Variants in PRKN observed in about 807,000 individuals in gnomAD.
PRKN encodes the protein parkin RBR E3 ubiquitin protein ligase, also known as E3 ubiquitin-protein ligase parkin.
PRKN carries 56 observed loss-of-function variants against 59.5 expected under a neutral mutation model. The observed-to-expected ratio is 0.94, with a 90% CI of 0.76 to 1.18. The LOEUF (loss-of-function observed/expected upper bound fraction) is 1.18, where lower values mean the gene tolerates loss of function less well. Ranked by LOEUF, PRKN falls within the 50% of genes most tolerant of loss-of-function variation. The pLI, the probability that PRKN is intolerant of heterozygous loss-of-function variation, is 0.00. For missense variants in PRKN, 657 were observed against 596.4 expected (o/e 1.10, Z -1.06); for synonymous variants, 250 against 222.1 (o/e 1.13, Z -1.12).
intron 9 of PRKN, among the ~76,000 whole-genome samples, chr6:161,427,121 CAA>C (rs1788402694): frequency 6.6e-6 from 1 of 152,020 alleles, no homozygotes; most frequent in African/African-American, 2.4e-5. Context: ...CCAGTTCAAG[CAA>C]TCCTCCCACC....
chr6:162,727,673 A>C lies in PRKN; in HGVS notation c.-5T>G, dbSNP rs1365817382. 6.3e-7 allele frequency: 1 copy of C among 1,581,270 alleles called. No homozygotes were observed. Among genetic ancestry groups the C allele is most frequent in the South Asian group, 1.2e-5 (1 of 86,678 alleles). On this transcript the variant is annotated 5_prime_UTR_variant, in exon 1 of 12. Coordinates refer to ENST00000366898, the MANE Select transcript of PRKN (RefSeq NM_004562.3). ...AGGTACCCACGTACCTATCATGGTC[A>C]CTGGGTAGGTGGCGGCTGCGGGCCA... is the stretch of plus-strand genomic sequence containing the variant.
intron 2 of PRKN, among the ~76,000 whole-genome samples, chr6:162,421,126 C>T (rs2874365): frequency 0.51 from 77,711 of 151,426 alleles, 20,243 homozygotes; most frequent in East Asian, 0.68. Flanking sequence ...AACAGAACTC[C>T]AGGTAATCAT....
rs1780176675 is a variant in PRKN at position 161,554,882 on chromosome 6, C to A, written c.934-5879G>T. ...TTTTTTTCCTTTGTAAATTAATTGC[C>A]CTCTTTTGCCTAGATGCCCAAGGAA... On this transcript the variant is annotated intron_variant, in intron 8 of 11. Coordinates refer to ENST00000366898, the MANE Select transcript of PRKN (RefSeq NM_004562.3). The surrounding 1 kb of genome is among the most constrained non-coding windows in gnomAD (Gnocchi z 4.5). Among the ~76,000 whole-genome samples, 1 of 151,506 alleles carries A rather than the reference C, an allele frequency of 6.6e-6. No homozygotes were observed. The highest frequency in any genetic ancestry group is 2.4e-5 in the African/African-American group (1 of 41,232).
intron 2 of PRKN, chr6:162,267,246 A>C (rs1780184507): frequency 6.6e-6 from 1 of 152,170 alleles, no homozygotes; most frequent in African/African-American, 2.4e-5. Context: ...TAATTGCTTA[A>C]TCTTTGACTC....
chr6:162,021,963 C>G (rs1783222764), intron 5 of PRKN, among the ~76,000 whole-genome samples: 1 of 152,046 alleles, frequency 6.6e-6, no homozygotes, highest in Admixed American at 6.6e-5. Context: ...TTTTTTGTTT[C>G]TGCATTAATT....
chr6:162,012,182 T>C (rs1460066613), intron 5 of PRKN, among the ~76,000 whole-genome samples: 1 of 152,108 alleles, frequency 6.6e-6, no homozygotes, highest in African/African-American at 2.4e-5. Flanking sequence ...ATTTGATTTC[T>C]TTGGGAATTA....
chr6:162,642,655 G>T (rs1778006793), intron 1 of PRKN, among the ~76,000 whole-genome samples: 1 of 151,594 alleles, frequency 6.6e-6, no homozygotes, highest in African/African-American at 2.4e-5. Flanking sequence ...TGCTTCATGA[G>T]AAAAATTTAA....
chr6:161,811,167 C>A (rs867722055), intron 6 of PRKN, among the ~76,000 whole-genome samples: 2 of 152,066 alleles, frequency 1.3e-5, no homozygotes, highest in Non-Finnish European at 2.9e-5. Context: ...AAATCTCAGG[C>A]CTTAAACTTC....
At chr6:162,253,400 G>A (rs1265125229) in intron 3 of PRKN, among the ~76,000 whole-genome samples, 1 of 152,046 alleles carries the variant, frequency 6.6e-6, no homozygotes, top group East Asian at 1.9e-4. Flanking sequence ...ATATTTTACT[G>A]GGACATAACA....
In PRKN at chr6:161,895,521, C is replaced by A. The variant is rs112890452; in HGVS notation, c.734+77781G>T. On this transcript the variant is annotated intron_variant, in intron 6 of 11. Coordinates refer to ENST00000366898, the MANE Select transcript of PRKN (RefSeq NM_004562.3). ...ACGCCCACCCCACCTGCCGTTATGC[C>A]CCCCAGTGAGGCTTCTGAGATTCAG... 8.2e-3 allele frequency among the ~76,000 whole-genome samples: 790 copies of A among 96,756 alleles called. 3 individuals are homozygous for A. The highest frequency in any genetic ancestry group is 0.026 in the African/African-American group (450 of 16,986). The allele number at this position is 96,756 out of a possible 152,430, so 63.5% of individuals were successfully genotyped here. A position where few individuals can be genotyped will look rare whatever the true frequency, so the allele number is the denominator to read the frequency against.
chr6:162,590,572 G>A (rs1781262487), intron 1 of PRKN, among the ~76,000 whole-genome samples: 1 of 152,076 alleles, frequency 6.6e-6, no homozygotes, highest in Non-Finnish European at 1.5e-5. Context: ...CTGTCCACCA[G>A]TCTTGAATGG....
intron 4 of PRKN, among the ~76,000 whole-genome samples, chr6:162,103,044 A>G (rs1231565544): frequency 1.4e-5 from 2 of 147,212 alleles, no homozygotes; most frequent in African/African-American, 2.5e-5. Context: ...CTCTGTCTCA[A>G]AAAAAAAAAA....
chr6:161,530,406 T>C lies in PRKN; in HGVS notation c.1083+18448A>G, dbSNP rs1779160208. 1.3e-5 allele frequency among the ~76,000 whole-genome samples: 2 copies of C among 152,310 alleles called. No homozygotes were observed. The highest frequency in any genetic ancestry group is 4.8e-5 in the African/African-American group (2 of 41,574). ...ACCCTGGTTTGAAAAATCATACTTT[T>C]AGAAGAAATTGCCCTTTCCATTTTC... On this transcript the variant is annotated intron_variant, in intron 9 of 11. Coordinates refer to ENST00000366898, the MANE Select transcript of PRKN (RefSeq NM_004562.3). The surrounding 1 kb of genome is among the most constrained non-coding windows in gnomAD (Gnocchi z 5.0).
chr6:162,419,865 T>C (rs1468859837), intron 2 of PRKN, among the ~76,000 whole-genome samples: 1 of 151,930 alleles, frequency 6.6e-6, no homozygotes, highest in Non-Finnish European at 1.5e-5. Context: ...AGGGAATATT[T>C]TGCACAACAT....
intron 9 of PRKN, among the ~76,000 whole-genome samples, chr6:161,427,120 G>GC (rs1788402550): frequency 6.6e-6 from 1 of 152,068 alleles, no homozygotes; most frequent in African/African-American, 2.4e-5. Flanking sequence ...TCCAGTTCAA[G>GC]CAATCCTCCC....
At chr6:161,449,486 C>T (rs1041976114) in intron 9 of PRKN, among the ~76,000 whole-genome samples, 1 of 152,138 alleles carries the variant, frequency 6.6e-6, no homozygotes, top group Non-Finnish European at 1.5e-5. Flanking sequence ...TACTCAGGGC[C>T]GTAATATGTG....
intron 5 of PRKN, among the ~76,000 whole-genome samples, chr6:162,043,723 C>T (rs912445282): frequency 5.9e-5 from 9 of 152,074 alleles, no homozygotes; most frequent in African/African-American, 1.4e-4. Flanking sequence ...GAAAAGGTAA[C>T]GGCAACAGAA....
At chr6:162,380,483 G>A (rs6149896) in intron 2 of PRKN, among the ~76,000 whole-genome samples, 35 of 29,770 alleles carry the variant, frequency 1.2e-3, no homozygotes, top group East Asian at 1.5e-3. Context: ...GTATATATAT[G>A]TATATATACA....
rs757383204 is a variant in PRKN at position 161,348,275 on chromosome 6, T to C, written c.*1824A>G. The C allele has an allele frequency of 4.9e-6, 1 of 203,212 alleles. No homozygotes were observed. The highest frequency in any genetic ancestry group is 1.0e-5 in the Non-Finnish European group (1 of 99,002). 12.6% of individuals were successfully genotyped at this position (203,212 alleles called of 1,614,324 possible). A position where few individuals can be genotyped will look rare whatever the true frequency, so the allele number is the denominator to read the frequency against. ...CCTTGATCAGGGTCTGGACTCAGTA[T>C]GGACACGAGCCACTGGGTGCAGGGG... is the stretch of plus-strand genomic sequence containing the variant. On this transcript the variant is annotated 3_prime_UTR_variant, in exon 12 of 12. Coordinates refer to ENST00000366898, the MANE Select transcript of PRKN (RefSeq NM_004562.3). This position sits in a 1 kb window ranked among gnomAD's most constrained non-coding sequence, Gnocchi z 4.9.
Sources: allele counts gnomAD v4.1 joint callset (sites outside exome capture counted in the v4.1 genomes callset), GRCh38; gene constraint gnomAD v4.1.1; non-coding constraint Gnocchi (gnomAD v3.1); transcripts MANE v1.5; gene names NCBI Gene and HGNC (gene_info 2026-07-23, HGNC 2026-07-21).